Variants in FOXP2 observed in about 807,000 individuals in gnomAD.
FOXP2 encodes forkhead box protein P2.
FOXP2 carries 12 observed loss-of-function variants against 115.8 expected under a neutral mutation model. The ratio of observed to expected loss-of-function variants is 0.10; its 90% CI spans 0.07 to 0.17. The LOEUF is 0.17. FOXP2 is among the 10% of genes least tolerant of loss of function. The probability of loss-of-function intolerance (pLI) is 1.00; values close to 1 mark genes in which losing one functional copy is unlikely to be tolerated. For synonymous variants in FOXP2, 328 were observed against 297.7 expected (o/e 1.10, Z -1.05); for missense variants, 629 against 843.5 (o/e 0.75, Z 3.15).
chr7:114,114,815 T>C (rs1418282871), intron 1 of FOXP2, among the ~76,000 whole-genome samples: 2 of 152,136 alleles, frequency 1.3e-5, no homozygotes, highest in South Asian at 2.1e-4. Flanking sequence ...ATTGAAGTTA[T>C]ATCATCCTAA....
intron 2 of FOXP2, among the ~76,000 whole-genome samples, chr7:114,380,339 T>C (rs1277399735): frequency 6.6e-6 from 1 of 152,224 alleles, no homozygotes; most frequent in Non-Finnish European, 1.5e-5. Context: ...CTCCTAATTC[T>C]AGTGCCCGAG....
chr7:114,130,982 T>G (rs910783844), intron 1 of FOXP2, among the ~76,000 whole-genome samples: 5 of 152,366 alleles, frequency 3.3e-5, no homozygotes, highest in African/African-American at 1.2e-4. Context: ...TTGTGTTTCA[T>G]CACTGTGAAC....
chr7:114,451,321 A>G (rs563685965), intron 2 of FOXP2, among the ~76,000 whole-genome samples: 5 of 152,164 alleles, frequency 3.3e-5, no homozygotes, highest in Non-Finnish European at 5.9e-5. Context: ...TAAAGTGCAC[A>G]TATTTCGGTG....
intron 2 of FOXP2, among the ~76,000 whole-genome samples, chr7:114,296,204 C>G (rs186384149): frequency 1.3e-5 from 2 of 152,226 alleles, no homozygotes; most frequent in East Asian, 3.9e-4. Context: ...ACAATGGGTT[C>G]TCTCCAAGAG....
intron 3 of FOXP2, chr7:114,570,969 A>G (rs1034488565): frequency 6.9e-5 from 76 of 1,104,644 alleles, no homozygotes; most frequent in African/African-American, 1.2e-4. Flanking sequence ...GTGATTTTCT[A>G]TAGCCAATCC....
chr7:114,472,338 A>T (rs980541218), intron 2 of FOXP2, among the ~76,000 whole-genome samples: 5 of 151,458 alleles, frequency 3.3e-5, no homozygotes, highest in African/African-American at 1.2e-4. Context: ...CTCCTGTTTT[A>T]TAAATTCTTT....
At chr7:114,200,312 C>CT (rs887657069) in intron 1 of FOXP2, among the ~76,000 whole-genome samples, 11 of 152,124 alleles carry the variant, frequency 7.2e-5, no homozygotes, top group Non-Finnish European at 8.8e-5. Flanking sequence ...TCTTTCCAAT[C>CT]TTTTTTTTGA....
chr7:114,138,607 G>A (rs1444486347), intron 1 of FOXP2, among the ~76,000 whole-genome samples: 2 of 152,018 alleles, frequency 1.3e-5, no homozygotes, highest in African/African-American at 4.8e-5. Context: ...TGGCCAGACT[G>A]GTCTCGAACT....
intron 2 of FOXP2, among the ~76,000 whole-genome samples, chr7:114,517,023 T>C (rs779763200): frequency 9.9e-5 from 15 of 152,050 alleles, no homozygotes; most frequent in Admixed American, 2.0e-4. Flanking sequence ...CATTCTTTTT[T>C]TTTTTAAATA....
chr7:114,196,087 A>G (rs1026724609), intron 1 of FOXP2, among the ~76,000 whole-genome samples: 1 of 152,142 alleles, frequency 6.6e-6, no homozygotes, highest in Admixed American at 6.5e-5. Context: ...ATCTCGGCTC[A>G]CTGTACCCTC....
chr7:114,676,725 G>T (rs1455587013), intron 16 of FOXP2, among the ~76,000 whole-genome samples: 1 of 152,128 alleles, frequency 6.6e-6, no homozygotes, highest in Non-Finnish European at 1.5e-5. Context: ...GAATGTATTG[G>T]ATATTTTCTC....
intron 3 of FOXP2, among the ~76,000 whole-genome samples, chr7:114,609,270 A>G (rs1325183550): frequency 1.3e-5 from 2 of 151,996 alleles, no homozygotes; most frequent in Non-Finnish European, 2.9e-5. Context: ...ACTGTTTTTC[A>G]CAGTAGTATG....
chr7:114,218,342 TTAGAGTAG>T (rs1794534882), intron 1 of FOXP2, among the ~76,000 whole-genome samples: 1 of 152,134 alleles, frequency 6.6e-6, no homozygotes, highest in Non-Finnish European at 1.5e-5. Flanking sequence ...ACATATATTG[TTAGAGTAG>T]TAGATGTGGC....
intron 8 of FOXP2, among the ~76,000 whole-genome samples, chr7:114,650,997 C>T (rs12670585): frequency 0.21 from 31,727 of 151,886 alleles, 4,078 homozygotes; most frequent in Non-Finnish European, 0.29. Flanking sequence ...TTATCAGCAA[C>T]ACGACTTTAA....
At chr7:114,086,838 G>A (rs1303838812), upstream of FOXP2, among the ~76,000 whole-genome samples, 1 of 151,980 alleles carries the variant, frequency 6.6e-6, no homozygotes, top group Non-Finnish European at 1.5e-5. Context: ...ATCACCACTT[G>A]TTGTTCTCTT....
intron 3 of FOXP2, among the ~76,000 whole-genome samples, chr7:114,623,942 T>A (rs1269821396): frequency 6.6e-6 from 1 of 151,898 alleles, no homozygotes; most frequent in Non-Finnish European, 1.5e-5. Flanking sequence ...TAAATACTCC[T>A]GTTCAGTACT....
upstream of FOXP2, among the ~76,000 whole-genome samples, chr7:114,162,707 C>G (rs1792875493): frequency 6.6e-6 from 1 of 151,918 alleles, no homozygotes. Flanking sequence ...TATTAATTTT[C>G]TCTTGCTATG....
chr7:114,642,505 C>A lies in FOXP2; in HGVS notation c.871C>A (p.Leu291Ile). The stretch of plus-strand genomic sequence containing the variant: ...TGGCATTAAACATGGAGGGCTAGAC[C>A]TCACTACTAACAATTCCTCCTCGAC... ...DNGIKHGGLD[L>I]TTNNSSSTTS... is the part of the protein sequence containing the mutation. Residue 291 changes from leucine to isoleucine, a missense_variant, in exon 7 of 17, where the codon CTC (leucine) becomes ATC (isoleucine). By Grantham distance (5) the Leu-to-Ile change is conservative (BLOSUM62 2). Coordinates refer to ENST00000350908, the MANE Select transcript of FOXP2 (RefSeq NM_014491.4). The A allele has an allele frequency of 6.2e-7, 1 of 1,613,798 alleles. No homozygotes were observed. The highest frequency in any genetic ancestry group is 8.5e-7 in the Non-Finnish European group (1 of 1,179,918).
chr7:114,241,215 C>A (rs1795143259), intron 1 of FOXP2, among the ~76,000 whole-genome samples: 1 of 151,980 alleles, frequency 6.6e-6, no homozygotes, highest in South Asian at 2.1e-4. Context: ...AAAAAATATT[C>A]TCTGTCTTCT....
Sources: gnomAD v4.1 joint callset for allele counts (sites outside exome capture counted in the v4.1 genomes callset) on GRCh38, gnomAD v4.1.1 for gene constraint, MANE v1.5 for transcripts, NCBI Gene and HGNC (gene_info 2026-07-23, HGNC 2026-07-21) for gene names.